CSMD1: variants seen among roughly 807,000 people sequenced by gnomAD.
CSMD1 encodes CUB and Sushi multiple domains 1.
Under a neutral mutation model 417.5 loss-of-function variants are expected in CSMD1, and 213 were observed. The observed-to-expected ratio is 0.51, with a 90% CI of 0.46 to 0.57. The LOEUF (loss-of-function observed/expected upper bound fraction) is 0.57, where lower values mean the gene tolerates loss of function less well. CSMD1 is among the 20% of genes least tolerant of loss of function. CSMD1 has a pLI of 0.00. For synonymous variants in CSMD1, 2,862 were observed against 1,736.8 expected (o/e 1.65, Z -16.11); for missense variants, 6,923 against 4,529.7 (o/e 1.53, Z -15.17).
chr8:4,368,683 G>A (rs776424106), intron 3 of CSMD1, among the ~76,000 whole-genome samples: 17 of 151,966 alleles, frequency 1.1e-4, no homozygotes, highest in African/African-American at 4.1e-4. Context: ...TTTCTTCCTG[G>A]CTTAATATGA....
At chr8:4,766,197 C>G (rs1812452125) in intron 1 of CSMD1, among the ~76,000 whole-genome samples, 1 of 152,110 alleles carries the variant, frequency 6.6e-6, no homozygotes. Flanking sequence ...CATATGTTGC[C>G]TACTAACAGA....
At chr8:4,714,570 A>C (rs1808522827) in intron 1 of CSMD1, among the ~76,000 whole-genome samples, 1 of 152,184 alleles carries the variant, frequency 6.6e-6, no homozygotes, top group African/African-American at 2.4e-5. Flanking sequence ...GAACTTTCCC[A>C]AGTTCATAGG....
intron 3 of CSMD1, among the ~76,000 whole-genome samples, chr8:4,115,005 G>A (rs551799391): frequency 6.6e-6 from 1 of 152,304 alleles, no homozygotes; most frequent in African/African-American, 2.4e-5. Context: ...TAGAAACCTA[G>A]TTGATAATGC....
In CSMD1 at chr8:4,806,013, C is replaced by T. The variant is rs570102105; in HGVS notation, c.86-168455G>A. Reference sequence around the variant, plus strand: ...ACAAACTAAATACTCAAAGAATTATCTGAGTCCTCCCATGAAACAGACAGT... The same window carrying T: ...ACAAACTAAATACTCAAAGAATTATTTGAGTCCTCCCATGAAACAGACAGT... On this transcript the variant is annotated intron_variant, in intron 1 of 69. Transcript: ENST00000635120. Among the ~76,000 whole-genome samples, 13 of 152,296 alleles carry T rather than the reference C, an allele frequency of 8.5e-5. No homozygotes were observed. In the East Asian group the frequency reaches 2.5e-3, roughly 29 times the overall value.
intron 5 of CSMD1, among the ~76,000 whole-genome samples, chr8:3,867,591 C>G (rs1379638346): frequency 6.6e-6 from 1 of 152,024 alleles, no homozygotes; most frequent in Non-Finnish European, 1.5e-5. Context: ...TATCTGAAAC[C>G]TAAACAAAAA....
At chr8:3,781,432 T>A (rs1799174455) in intron 5 of CSMD1, among the ~76,000 whole-genome samples, 1 of 152,134 alleles carries the variant, frequency 6.6e-6, no homozygotes, top group South Asian at 2.1e-4. Flanking sequence ...CAGCACAGTC[T>A]GGGGGGTTTC....
chr8:3,334,985 C>T (rs1026162365), intron 23 of CSMD1, among the ~76,000 whole-genome samples: 2 of 152,158 alleles, frequency 1.3e-5, no homozygotes, highest in Non-Finnish European at 2.9e-5. Flanking sequence ...TAATAATGCT[C>T]CCCTGAAAAA....
At chr8:4,937,302 A>T (rs1264924789) in intron 1 of CSMD1, among the ~76,000 whole-genome samples, 1 of 152,186 alleles carries the variant, frequency 6.6e-6, no homozygotes, top group East Asian at 1.9e-4. Flanking sequence ...TACCATATTC[A>T]TGGACTCTAC....
chr8:3,627,146 T>C (rs1278780826), intron 7 of CSMD1, among the ~76,000 whole-genome samples: 1 of 152,162 alleles, frequency 6.6e-6, no homozygotes, highest in Non-Finnish European at 1.5e-5. Context: ...AAAAATTTAA[T>C]TCTCTTAGAA....
chr8:3,007,011 T>C (rs1425714167), intron 52 of CSMD1, among the ~76,000 whole-genome samples: 9 of 144,622 alleles, frequency 6.2e-5, no homozygotes, highest in East Asian at 3.9e-4. Context: ...AGAAAATTTT[T>C]GCAACCTACT....
intron 3 of CSMD1, among the ~76,000 whole-genome samples, chr8:4,167,184 T>G (rs78252892): frequency 0.014 from 2,134 of 152,324 alleles, 46 homozygotes; most frequent in African/African-American, 0.047. Flanking sequence ...ACCAGATAAT[T>G]TTTTCCAGAG....
chr8:3,921,651 G>T (rs1346208746), intron 5 of CSMD1, among the ~76,000 whole-genome samples: 1 of 151,584 alleles, frequency 6.6e-6, no homozygotes, highest in Non-Finnish European at 1.5e-5. Context: ...TCCCCCATTA[G>T]TTGTTCAGGC....
At chr8:4,070,177 G>C (rs906920967) in intron 3 of CSMD1, among the ~76,000 whole-genome samples, 2 of 151,824 alleles carry the variant, frequency 1.3e-5, no homozygotes, top group Non-Finnish European at 2.9e-5. Flanking sequence ...AATTTTAGAG[G>C]TGCATTTACC....
At chr8:4,588,534 C>A (rs1337380547) in intron 2 of CSMD1, among the ~76,000 whole-genome samples, 1 of 151,978 alleles carries the variant, frequency 6.6e-6, no homozygotes, top group African/African-American at 2.4e-5. Context: ...GTGGCACATG[C>A]CTGTAATCCC....
At chr8:3,880,747 C>T (rs1249190451) in intron 5 of CSMD1, among the ~76,000 whole-genome samples, 1 of 152,144 alleles carries the variant, frequency 6.6e-6, no homozygotes, top group Admixed American at 6.5e-5. Context: ...TTATATTATA[C>T]AGCTATTATC....
intron 3 of CSMD1, among the ~76,000 whole-genome samples, chr8:4,393,238 AG>A (rs1803976471): frequency 6.6e-6 from 1 of 151,964 alleles, no homozygotes. Context: ...AGCCTCCCAA[AG>A]TGCTGGGATT....
chr8:3,425,767 A>T (rs1813800529), intron 12 of CSMD1, among the ~76,000 whole-genome samples: 1 of 152,150 alleles, frequency 6.6e-6, no homozygotes, highest in Non-Finnish European at 1.5e-5. Context: ...CTTTTTATTC[A>T]ATAGACAGCA....
chr8:3,313,855 G>T (rs917819032), intron 23 of CSMD1, among the ~76,000 whole-genome samples: 1 of 152,162 alleles, frequency 6.6e-6, no homozygotes, highest in East Asian at 1.9e-4. Flanking sequence ...CAATAGCAAA[G>T]ATTTGGAACC....
intron 42 of CSMD1, among the ~76,000 whole-genome samples, 166 bp downstream of exon 42, chr8:3,118,233 T>C (rs961610185): frequency 6.6e-6 from 1 of 152,220 alleles, no homozygotes; most frequent in Admixed American, 6.5e-5. Context: ...CTTAACAGCA[T>C]GCGACATATT....
Sources: allele counts gnomAD v4.1 joint callset (sites outside exome capture counted in the v4.1 genomes callset), GRCh38; gene constraint gnomAD v4.1.1; transcripts MANE v1.5; gene names NCBI Gene and HGNC (gene_info 2026-07-23, HGNC 2026-07-21).